ITPR1: variants seen among roughly 807,000 people sequenced by gnomAD.
ITPR1 encodes inositol 1,4,5-trisphosphate-gated calcium channel ITPR1.
A neutral mutation model predicts 318.4 loss-of-function variants in ITPR1; 96 were observed. The observed-to-expected ratio is 0.30, with a 90% confidence interval of 0.26 to 0.36. The LOEUF (loss-of-function observed/expected upper bound fraction) is 0.36. Ranked by LOEUF, ITPR1 falls within the 10% of genes least tolerant of loss-of-function variation. The pLI is 1.00. For synonymous variants in ITPR1, 1,312 were observed against 1,289.9 expected, an observed-to-expected ratio of 1.02 and a Z score of -0.37; for missense variants, 2,440 against 3,460.2, an observed-to-expected ratio of 0.71 and a Z score of 7.40.
At position 4,648,314 on chromosome 3, in the gene ITPR1, T is replaced by C. The variant is rs191509249; in HGVS notation, c.855+2586T>C. ...GCATTTGCCCTTTAGTTACTCTATGTGTCTACACAGGGACCTGTCAATCCT... is the reference window on the plus strand; with the variant it reads ...GCATTTGCCCTTTAGTTACTCTATGCGTCTACACAGGGACCTGTCAATCCT... On this transcript the variant is annotated intron_variant, in intron 10 of 61. Transcript: ENST00000649015. Among the ~76,000 whole-genome samples the C allele has an allele frequency of 1.4e-3, 218 of 152,336 alleles. 2 individuals are homozygous for C. Among genetic ancestry groups the C allele is most frequent in the Non-Finnish European group, 1.5e-3 (104 of 68,032 alleles).
chr3:4,564,102 C>T (rs1342311798), intron 4 of ITPR1, among the ~76,000 whole-genome samples: 14 of 152,078 alleles, frequency 9.2e-5, no homozygotes, highest in Non-Finnish European at 7.4e-5. Flanking sequence ...CCACCATGCC[C>T]GGCTAATTTT....
chr3:4,564,448 G>A lies in ITPR1; in HGVS notation c.163+43354G>A, dbSNP rs113674800. 3.0e-3 allele frequency among the ~76,000 whole-genome samples: 455 copies of A among 152,220 alleles called. 1 individual carries two copies. The highest frequency in any genetic ancestry group is 0.01 in the African/African-American group (431 of 41,538). The stretch of plus-strand genomic sequence containing the variant: ...GTCATGTCGGAATAGGTCCCACCCC[G>A]CTCCAGTATGGCCTCATCTTAACTA... On this transcript the variant is annotated intron_variant, in intron 4 of 61. Transcript: ENST00000649015.
chr3:4,596,774 C>A (rs1380249694), intron 4 of ITPR1, among the ~76,000 whole-genome samples: 1 of 152,204 alleles, frequency 6.6e-6, no homozygotes. Context: ...AGTGTTTAAA[C>A]CCCAACTCCT....
At position 4,693,578 on chromosome 3, in the gene ITPR1, A is replaced by T; in HGVS notation, c.4118A>T (p.Asp1373Val). 6.2e-7 allele frequency: 1 copy of T among 1,613,990 alleles called. No homozygotes were observed. Among genetic ancestry groups the T allele is most frequent in the Non-Finnish European group, 8.5e-7 (1 of 1,179,882 alleles). Residue 1373 changes from aspartate to valine, a missense_variant, in exon 33 of 62, where the codon GAT becomes GTT. By Grantham distance (152) the Asp-to-Val change is radical. This residue lies in a region of ITPR1 where 222 missense variants were observed against 318.8 expected (regional missense o/e 0.70). Transcript: ENST00000649015. The part of the protein sequence containing the change: ...TLIQMMRSER[D>V]RMDENSPLMY... ...ATCCAGATGATGCGGTCAGAACGGG[A>T]TCGGATGGATGAGAACAGCCCTCTC...
chr3:4,681,894 T>A, intron 26 of ITPR1, among the ~76,000 whole-genome samples: 1 of 152,184 alleles, frequency 6.6e-6, no homozygotes, highest in Admixed American at 6.5e-5. Context: ...TTGTTCCTAA[T>A]ATTAATGTAT....
At chr3:4,756,722 G>C (rs575384864) in intron 44 of ITPR1, among the ~76,000 whole-genome samples, 1 of 152,276 alleles carries the variant, frequency 6.6e-6, no homozygotes, top group African/African-American at 2.4e-5. Context: ...CACTTAATGG[G>C]AATTGCCATT....
intron 4 of ITPR1, among the ~76,000 whole-genome samples, chr3:4,550,807 G>T (rs1379385083): frequency 6.6e-6 from 1 of 151,880 alleles, no homozygotes; most frequent in Admixed American, 6.6e-5. Flanking sequence ...TCAAGCCCAA[G>T]CCCAGGAAGT....
At chr3:4,738,906 G>T (rs1006797260) in intron 44 of ITPR1, among the ~76,000 whole-genome samples, 5 of 151,842 alleles carry the variant, frequency 3.3e-5, no homozygotes, top group African/African-American at 1.2e-4. Context: ...AAGGGTGCGG[G>T]TGTGGCCGCA....
intron 4 of ITPR1, among the ~76,000 whole-genome samples, chr3:4,598,204 G>A (rs1480895897): frequency 6.6e-6 from 1 of 152,204 alleles, no homozygotes; most frequent in Non-Finnish European, 1.5e-5. Context: ...TCTGTGACCT[G>A]TCATTGGCTT....
At chr3:4,806,755 C>A (rs2048579656) in intron 55 of ITPR1, among the ~76,000 whole-genome samples, 1 of 151,956 alleles carries the variant, frequency 6.6e-6, no homozygotes, top group African/African-American at 2.4e-5. Context: ...TCTAGGAGAC[C>A]CTTTCAGTAG....
chr3:4,527,957 C>T (rs1161674115), intron 4 of ITPR1, among the ~76,000 whole-genome samples: 1 of 152,196 alleles, frequency 6.6e-6, no homozygotes, highest in South Asian at 2.1e-4. Context: ...AACCTCCCAG[C>T]AGCTTAGGAA....
intron 4 of ITPR1, among the ~76,000 whole-genome samples, chr3:4,538,350 C>G (rs1399465515): frequency 1.3e-5 from 2 of 152,088 alleles, no homozygotes; most frequent in African/African-American, 4.8e-5. Context: ...CAGTGAGATA[C>G]CATCTCACGC....
chr3:4,499,419 TA>T (rs1392601247), intron 2 of ITPR1, among the ~76,000 whole-genome samples: 1 of 152,228 alleles, frequency 6.6e-6, no homozygotes, highest in Non-Finnish European at 1.5e-5. Flanking sequence ...CTCATTTTTC[TA>T]AATGTGCCTA....
intron 40 of ITPR1, chr3:4,724,271 G>A (rs9823748): frequency 0.35 from 53,923 of 152,070 alleles, 10,523 homozygotes; most frequent in Non-Finnish European, 0.46. Flanking sequence ...CATTTTCTCT[G>A]TTGGGAAATA....
chr3:4,639,329 T>C (rs2093281561), intron 5 of ITPR1, 55 bp from the exon 6 acceptor site: 2 of 1,319,460 alleles, frequency 1.5e-6, no homozygotes, highest in East Asian at 2.5e-5. Context: ...GTCACTGCAG[T>C]GGGATAGAAC....
intron 48 of ITPR1, among the ~76,000 whole-genome samples, chr3:4,777,810 AC>A (rs1346684552): frequency 8.1e-4 from 124 of 152,270 alleles, no homozygotes; most frequent in African/African-American, 2.6e-3. Flanking sequence ...ACCCAAAAAA[AC>A]AAACATGTAT....
chr3:4,846,101 G>T, intron 61 of ITPR1, 38 bp from the exon 62 acceptor site: 1 of 1,231,004 alleles, frequency 8.1e-7, no homozygotes, highest in South Asian at 1.4e-5. Context: ...CGTACAGGAA[G>T]TATCTGGGTC....
At chr3:4,655,737 G>A (rs757675909) in intron 12 of ITPR1, among the ~76,000 whole-genome samples, 40 of 152,146 alleles carry the variant, frequency 2.6e-4, no homozygotes, top group Non-Finnish European at 4.7e-4. Flanking sequence ...TCAGAGAGGC[G>A]GATGTGCCAG....
At chr3:4,833,393 A>G (rs182355914) in intron 60 of ITPR1, among the ~76,000 whole-genome samples, 1 of 152,300 alleles carries the variant, frequency 6.6e-6, no homozygotes, top group African/African-American at 2.4e-5. Flanking sequence ...TCTGTTTGGA[A>G]ATGTGTGTTT....
Sources: allele counts gnomAD v4.1 joint callset (sites outside exome capture counted in the v4.1 genomes callset), GRCh38; gene constraint gnomAD v4.1.1; regional missense constraint gnomAD v4.1.1; transcripts MANE v1.5; gene names NCBI Gene and HGNC (gene_info 2026-07-23, HGNC 2026-07-21).